The following CTNND2 variants were observed in gnomAD, a reference collection of about 807,000 sequenced individuals.
The protein encoded by CTNND2 is catenin delta-2.
A neutral mutation model predicts 144.4 loss-of-function variants in CTNND2; 22 were observed. The observed-to-expected ratio is 0.15, with a 90% confidence interval of 0.11 to 0.22. The LOEUF (loss-of-function observed/expected upper bound fraction) is 0.22. Among genes scored for constraint, CTNND2 ranks in the 10% least tolerant of loss-of-function variants. The pLI is 1.00. For missense variants in CTNND2, 1,353 were observed against 1,618.8 expected (o/e 0.84, Z 2.82); for synonymous variants, 751 against 695.6 (o/e 1.08, Z -1.25).
At chr5:11,353,889 G>A (rs1257228656) in intron 8 of CTNND2, among the ~76,000 whole-genome samples, 1 of 152,092 alleles carries the variant, frequency 6.6e-6, no homozygotes, top group Admixed American at 6.5e-5. Flanking sequence ...ATTGAAGACA[G>A]AAAGGGATTA....
intron 9 of CTNND2, among the ~76,000 whole-genome samples, chr5:11,315,512 A>G (rs928057798): frequency 6.6e-6 from 1 of 152,200 alleles, no homozygotes; most frequent in Non-Finnish European, 1.5e-5. Flanking sequence ...GAAATTGTAA[A>G]TGATGTCATT....
chr5:11,320,799 A>G (rs1751956432), intron 9 of CTNND2, among the ~76,000 whole-genome samples: 1 of 152,166 alleles, frequency 6.6e-6, no homozygotes, highest in Non-Finnish European at 1.5e-5. Flanking sequence ...GAGCTATAAG[A>G]TGAGATTTAG....
At chr5:11,018,933 T>C (rs1741926748) in intron 17 of CTNND2, among the ~76,000 whole-genome samples, 1 of 152,040 alleles carries the variant, frequency 6.6e-6, no homozygotes, top group Non-Finnish European at 1.5e-5. Context: ...GGTCTCGAAC[T>C]CCTGACCTCG....
At chr5:11,125,831 A>C (rs973476349) in intron 12 of CTNND2, among the ~76,000 whole-genome samples, 1 of 152,244 alleles carries the variant, frequency 6.6e-6, no homozygotes, top group Non-Finnish European at 1.5e-5. Context: ...CACTGTGACC[A>C]TTTGGTGTTT....
At chr5:11,871,654 T>C (rs763254133) in intron 1 of CTNND2, among the ~76,000 whole-genome samples, 2 of 152,210 alleles carry the variant, frequency 1.3e-5, no homozygotes, top group Non-Finnish European at 2.9e-5. Context: ...AGAAAGACTT[T>C]CTGGCACCCT....
At chr5:11,524,035 G>C (rs1052035569) in intron 3 of CTNND2, among the ~76,000 whole-genome samples, 3 of 152,172 alleles carry the variant, frequency 2.0e-5, no homozygotes, top group Non-Finnish European at 4.4e-5. Context: ...AGAAATGCTT[G>C]TTAAGGAAAA....
chr5:11,445,368 T>C (rs1764703941), intron 3 of CTNND2, among the ~76,000 whole-genome samples: 1 of 152,208 alleles, frequency 6.6e-6, no homozygotes, highest in Non-Finnish European at 1.5e-5. Context: ...TATTTCCAAT[T>C]AAGGTCACGC....
chr5:11,364,312 T>C (rs561360217), intron 8 of CTNND2, among the ~76,000 whole-genome samples: 1 of 152,302 alleles, frequency 6.6e-6, no homozygotes, highest in Admixed American at 6.5e-5. Flanking sequence ...AGGTAGACAA[T>C]ATCATGAAAA....
At chr5:11,412,802 A>C (rs1184342284) in intron 3 of CTNND2, among the ~76,000 whole-genome samples, 1 of 152,112 alleles carries the variant, frequency 6.6e-6, no homozygotes, top group African/African-American at 2.4e-5. Context: ...TTATATGTAA[A>C]TAATCGGTGA....
chr5:11,610,137 C>A (rs1419878031), intron 2 of CTNND2, among the ~76,000 whole-genome samples: 1 of 152,160 alleles, frequency 6.6e-6, no homozygotes, highest in Non-Finnish European at 1.5e-5. Flanking sequence ...TCTACATGCA[C>A]AGATCAAAGC....
At chr5:11,070,461 G>A (rs575417603) in intron 16 of CTNND2, among the ~76,000 whole-genome samples, 2 of 152,204 alleles carry the variant, frequency 1.3e-5, no homozygotes, top group African/African-American at 4.8e-5. Context: ...TTAAACTGAA[G>A]ATCTAAGACC....
At chr5:11,111,177 C>G in intron 13 of CTNND2, 134 bp from the exon 14 acceptor site, 1 of 907,510 alleles carries the variant, frequency 1.1e-6, no homozygotes, top group East Asian at 2.6e-5. Context: ...CTTCTGAAAG[C>G]TCCCCTGATG....
chr5:11,574,397 G>A (rs942335024), intron 2 of CTNND2, among the ~76,000 whole-genome samples: 13 of 151,562 alleles, frequency 8.6e-5, no homozygotes, highest in South Asian at 4.2e-4. Flanking sequence ...TGTAACAAGC[G>A]GTCTAACCCA....
At position 10,982,942 on chromosome 5, in the gene CTNND2, G is replaced by A. The variant is rs182029015; in HGVS notation, c.3344-1096C>T. On this transcript the variant is annotated intron_variant, in intron 20 of 21. Transcript: ENST00000304623. ...GTTCTCACGCACATGTGGAATATGCGGAAGCTAAAAAAAATTGATCTATGA... is the reference window on the plus strand; with the variant it reads ...GTTCTCACGCACATGTGGAATATGCAGAAGCTAAAAAAAATTGATCTATGA... 3.1e-4 allele frequency among the ~76,000 whole-genome samples: 47 copies of A among 152,210 alleles called. No homozygotes were observed. In the East Asian group the frequency reaches 3.7e-3, roughly 12 times the overall value.
intron 2 of CTNND2, among the ~76,000 whole-genome samples, chr5:11,594,254 G>A (rs1454050626): frequency 6.6e-6 from 1 of 152,186 alleles, no homozygotes; most frequent in Non-Finnish European, 1.5e-5. Flanking sequence ...TTATGACTGA[G>A]TCTCACACAC....
chr5:11,487,940 A>C (rs1768986726), intron 3 of CTNND2, among the ~76,000 whole-genome samples: 1 of 152,172 alleles, frequency 6.6e-6, no homozygotes, highest in South Asian at 2.1e-4. Context: ...AGGAGGCTGT[A>C]TATCAGGCAG....
chr5:10,975,498 T>G (rs1190531358), intron 21 of CTNND2, among the ~76,000 whole-genome samples: 1 of 152,146 alleles, frequency 6.6e-6, no homozygotes, highest in Non-Finnish European at 1.5e-5. Flanking sequence ...AACTCCCACC[T>G]TATAGATGAG....
At chr5:11,374,083 T>G (rs1246022509) in intron 7 of CTNND2, among the ~76,000 whole-genome samples, 1 of 152,104 alleles carries the variant, frequency 6.6e-6, no homozygotes, top group Admixed American at 6.5e-5. Context: ...AGTGCTGTGA[T>G]GATCACGTGT....
chr5:11,600,200 A>C (rs1053197213), intron 2 of CTNND2, among the ~76,000 whole-genome samples: 3 of 152,208 alleles, frequency 2.0e-5, no homozygotes, highest in African/African-American at 7.2e-5. Context: ...CTATGCTAAT[A>C]CAGCAAGTGT....
Sources: gnomAD v4.1 joint callset for allele counts (sites outside exome capture counted in the v4.1 genomes callset) on GRCh38, gnomAD v4.1.1 for gene constraint, MANE v1.5 for transcripts, NCBI Gene and HGNC (gene_info 2026-07-23, HGNC 2026-07-21) for gene names.